The following TMEM165 variants were observed in gnomAD, a reference collection of about 807,000 sequenced individuals.
The protein encoded by TMEM165 is transmembrane protein 165.
TMEM165 carries 19 observed loss-of-function variants against 30.0 expected under a neutral mutation model. That is an observed-to-expected ratio of 0.63 (90% CI 0.44 to 0.93). The LOEUF (loss-of-function observed/expected upper bound fraction) is 0.93. Among genes scored for constraint, TMEM165 ranks in the 40% least tolerant of loss-of-function variants. The pLI is 0.00. For synonymous variants in TMEM165, 168 were observed against 162.9 expected, an observed-to-expected ratio of 1.03 and a Z score of -0.24; for missense variants, 340 against 417.0, an observed-to-expected ratio of 0.82 and a Z score of 1.61.
chr4:55,398,808 G>GTCAAGTTTATA (rs1284779466), intron 1 of TMEM165: 1 of 148,814 alleles, frequency 6.7e-6, no homozygotes, highest in Non-Finnish European at 1.5e-5. Flanking sequence ...GTAGTTGCAT[G>GTCAAGTTTATA]TCAAGTTTAT....
At chr4:55,420,247 A>G (rs1294962087) in intron 4 of TMEM165, among the ~76,000 whole-genome samples, 1 of 149,028 alleles carries the variant, frequency 6.7e-6, no homozygotes, top group African/African-American at 2.5e-5. Flanking sequence ...GTAAGTAACC[A>G]TTTTGTTGAG....
chr4:55,450,394 T>C (rs563411036), intron 3 of TMEM165, among the ~76,000 whole-genome samples: 2 of 152,248 alleles, frequency 1.3e-5, no homozygotes, highest in African/African-American at 4.8e-5. Context: ...TTATGTGTTA[T>C]AGCCAGAAAG....
chr4:55,396,218 G>A lies in TMEM165; in HGVS notation c.29G>A (p.Arg10His), dbSNP rs1444872366. 3 of 1,455,336 alleles carry A rather than the reference G, an allele frequency of 2.1e-6. No homozygotes were observed. Among genetic ancestry groups the A allele is most frequent in the Non-Finnish European group, 2.7e-6 (3 of 1,107,646 alleles). 90.2% of individuals were successfully genotyped at this position (1,455,336 alleles called of 1,614,324 possible). The change falls in exon 1 of 6, where the codon CGC (arginine) becomes CAC (histidine). Residue 10 changes from arginine to histidine, a missense_variant. Arg to His is a conservative substitution (Grantham distance 29). Transcript: ENST00000381334. MAAAAPGNG[R>H]ASAPRLLLLF... ...GCGGCCGCGGCTCCAGGGAACGGCC[G>A]CGCATCGGCGCCCCGGCTGCTTCTG...
chr4:55,421,532 A>C (rs1322528030), intron 4 of TMEM165, among the ~76,000 whole-genome samples: 1 of 152,102 alleles, frequency 6.6e-6, no homozygotes, highest in African/African-American at 2.4e-5. Flanking sequence ...TCCTGAGTTC[A>C]TGCAATCTGA....
intron 3 of TMEM165, among the ~76,000 whole-genome samples, chr4:55,443,252 A>C (rs1723517549): frequency 6.6e-6 from 1 of 152,100 alleles, no homozygotes; most frequent in African/African-American, 2.4e-5. Flanking sequence ...GAGGTGGGCG[A>C]TCACCTGAGG....
At chr4:55,430,149 T>C (rs1722404617), downstream of TMEM165, 1 of 152,236 alleles carries the variant, frequency 6.6e-6, no homozygotes, top group African/African-American at 2.4e-5. Context: ...TTTGAACCCC[T>C]TTCTAAATTC....
At chr4:55,430,400 A>G (rs1442823909), downstream of TMEM165, 1 of 152,222 alleles carries the variant, frequency 6.6e-6, no homozygotes, top group East Asian at 1.9e-4. Flanking sequence ...AGGGGGAAAA[A>G]ACTATGCAAA....
intron 3 of TMEM165, chr4:55,435,210 A>G: frequency 3.3e-6 from 2 of 609,146 alleles, no homozygotes; most frequent in Non-Finnish European, 2.9e-6. Context: ...CTATGCCCCT[A>G]TGATCACCTC....
chr4:55,448,614 G>A (rs541745689), intron 3 of TMEM165, among the ~76,000 whole-genome samples: 1 of 119,038 alleles, frequency 8.4e-6, no homozygotes, highest in Non-Finnish European at 1.8e-5. Flanking sequence ...GTGTGTGTGT[G>A]TGTGTGTGTG....
chr4:55,400,297 ATAT>A (rs1427445195), intron 1 of TMEM165, among the ~76,000 whole-genome samples: 1,310 of 100,460 alleles, frequency 0.013, 22 homozygotes, highest in African/African-American at 0.047. Flanking sequence ...ATTATATATA[ATAT>A]TATATATAAT....
chr4:55,450,783 A>G (rs988621317), intron 3 of TMEM165, among the ~76,000 whole-genome samples: 5 of 150,786 alleles, frequency 3.3e-5, no homozygotes, highest in Non-Finnish European at 5.9e-5. Flanking sequence ...AAAAAAAAAC[A>G]TTAACTCAAA....
intron 3 of TMEM165, chr4:55,435,595 C>G: frequency 6.2e-7 from 1 of 1,613,744 alleles, no homozygotes; most frequent in Non-Finnish European, 8.5e-7. Flanking sequence ...ACCTAGAAGT[C>G]TAAAAAACAA....
chr4:55,416,485 T>G (rs531109955), intron 2 of TMEM165, among the ~76,000 whole-genome samples: 1 of 152,352 alleles, frequency 6.6e-6, no homozygotes, highest in African/African-American at 2.4e-5. Flanking sequence ...GAACTGAATG[T>G]TTGAGCCTGT....
At chr4:55,415,911 G>T (rs530401307) in intron 2 of TMEM165, 1 of 151,882 alleles carries the variant, frequency 6.6e-6, no homozygotes, top group East Asian at 1.9e-4. Context: ...CTGGGATGCA[G>T]TGGCATGATC....
At chr4:55,444,565 A>G in intron 3 of TMEM165, 2 of 1,595,828 alleles carry the variant, frequency 1.3e-6, no homozygotes, top group Middle Eastern at 1.7e-4. Context: ...TAATTAAGAA[A>G]AGTTAATTTT....
chr4:55,398,185 C>G (rs1157757630), intron 1 of TMEM165, among the ~76,000 whole-genome samples: 1 of 152,200 alleles, frequency 6.6e-6, no homozygotes, highest in Non-Finnish European at 1.5e-5. Context: ...AGTGCTGTCC[C>G]AGATGTAGTA....
At chr4:55,448,601 C>CGTGTGTGTGTGT (rs3034980) in intron 3 of TMEM165, among the ~76,000 whole-genome samples, 1 of 116,978 alleles carries the variant, frequency 8.5e-6, no homozygotes. Flanking sequence ...CGCACGCGCG[C>CGTGTGTGTGTGT]GTGTGTGTGT....
chr4:55,400,185 ATAATAT>A (rs1191032804), intron 1 of TMEM165, among the ~76,000 whole-genome samples: 2 of 115,856 alleles, frequency 1.7e-5, no homozygotes, highest in African/African-American at 8.4e-5. Flanking sequence ...TATATAAAAA[ATAATAT>A]ATAAATATAT....
chr4:55,426,885 A>T (rs1722225654), downstream of TMEM165, among the ~76,000 whole-genome samples: 1 of 152,224 alleles, frequency 6.6e-6, no homozygotes, highest in African/African-American at 2.4e-5. Flanking sequence ...CATGTTGGTA[A>T]AAAAGGTCAT....
Sources: allele counts gnomAD v4.1 joint callset (sites outside exome capture counted in the v4.1 genomes callset), GRCh38; gene constraint gnomAD v4.1.1; transcripts MANE v1.5; gene names NCBI Gene and HGNC (gene_info 2026-07-23, HGNC 2026-07-21).